Variants in ENDOG observed in about 807,000 individuals in gnomAD.
The protein encoded by ENDOG is endonuclease G, mitochondrial.
In ENDOG, 22 loss-of-function variants were observed where a neutral mutation model predicts 22.6. The ratio of observed to expected loss-of-function variants is 0.97; its 90% CI spans 0.70 to 1.39. The LOEUF is 1.39. ENDOG is among the 40% of genes most tolerant of loss of function. The pLI, the probability that ENDOG is intolerant of heterozygous loss-of-function variation, is 0.00. For synonymous variants in ENDOG, 173 were observed against 200.2 expected (o/e 0.86, Z 1.15); for missense variants, 403 against 431.3 (o/e 0.93, Z 0.58).
rs747427679 is a variant in ENDOG, at chr9:128,822,630, T to C, written c.*20T>C. 1 of 1,562,366 alleles carries C rather than the reference T, an allele frequency of 6.4e-7. No homozygotes were observed. The highest frequency in any genetic ancestry group is 8.7e-7 in the Non-Finnish European group (1 of 1,152,808). ...AAGTGAGGGTGGAGCCCAGTGAGAC[T>C]GTGGGTGTGTGCAGGCCGGGGAGTA... On this transcript the variant is annotated 3_prime_UTR_variant, in exon 3 of 3. Coordinates refer to ENST00000372642, the MANE Select transcript of ENDOG (RefSeq NM_004435.2).
chr9:128,822,361 C>T lies in ENDOG; in HGVS notation c.645C>T (p.Tyr215=). 1.9e-6 allele frequency: 3 copies of T among 1,613,984 alleles called. No homozygotes were observed. The highest frequency in any genetic ancestry group is 1.1e-5 in the South Asian group (1 of 91,054). The change falls in exon 3 of 3, where the codon TAC becomes TAT. Residue 215 remains tyrosine, a synonymous_variant. Coordinates refer to ENST00000372642, the MANE Select transcript of ENDOG (RefSeq NM_004435.2). ...TEADGKSYVK[Y]QVIGKNHVAV... ...CTGATGGGAAATCCTACGTAAAGTA[C>T]CAGGTCATCGGCAAGAACCACGTGG...
chr9:128,818,849 CG>C lies in ENDOG; in HGVS notation c.170del (p.Gly57AspfsTer105). 4 of 1,392,984 alleles carry C rather than the reference CG, an allele frequency of 2.9e-6. No individual in the cohort carries two copies. Among genetic ancestry groups the C allele is most frequent in the Non-Finnish European group, 2.8e-6 (3 of 1,079,834 alleles). The allele number at this position is 1,392,984 out of a possible 1,614,324, so 86.3% of individuals were successfully genotyped here. On this transcript the variant is annotated frameshift_variant, in exon 1 of 3. Transcript: ENST00000372642. LOFTEE classifies it high-confidence loss of function. ...AAAAELPPVP[G>X]GPRGPGELAK... Reference sequence around the variant, plus strand: ...CGGCAGCCGAGTTGCCCCCTGTGCCCGGGGGACCCCGCGGCCCGGGCGAGCT... The same window carrying C: ...CGGCAGCCGAGTTGCCCCCTGTGCCCGGGGACCCCGCGGCCCGGGCGAGCT...
chr9:128,821,727 G>A (rs1420697604), intron 2 of ENDOG: 1 of 160,854 alleles, frequency 6.2e-6, no homozygotes, highest in South Asian at 1.7e-4. Context: ...TAGTTCCTTG[G>A]TGCTGTGGGC....
chr9:128,822,588 C>G lies in ENDOG; in HGVS notation c.872C>G (p.Ala291Gly), dbSNP rs1187005365. The part of the protein sequence containing the change: ...NILARAGSLK[A>G]ITAGSK ...CTGGCGCGGGCAGGCAGCCTCAAGG[C>G]CATCACGGCGGGCAGTAAGTGAGGG... The change falls in exon 3 of 3, where the codon GCC (alanine) becomes GGC (glycine). Residue 291 changes from alanine to glycine, a missense_variant. By Grantham distance (60) the Ala-to-Gly change is moderately conservative (BLOSUM62 0). Transcript: ENST00000372642. The G allele has an allele frequency of 7.6e-6, 12 of 1,569,712 alleles. No individual in the cohort carries two copies. The highest frequency in any genetic ancestry group is 1.0e-5 in the Non-Finnish European group (12 of 1,157,340).
Position 128,822,558 on chromosome 9 carries a change from A to G in ENDOG, c.842A>G (p.Asn281Ser). 6.4e-7 allele frequency: 1 copy of G among 1,563,886 alleles called. No homozygotes were observed. Among genetic ancestry groups the G allele is most frequent in the South Asian group, 1.2e-5 (1 of 84,976 alleles). Residue 281 changes from asparagine to serine, a missense_variant, in exon 3 of 3, where the codon AAC (asparagine) becomes AGC (serine). Asn to Ser is a conservative substitution (Grantham distance 46). Coordinates refer to ENST00000372642, the MANE Select transcript of ENDOG (RefSeq NM_004435.2). ...GCTTCGGGGCTGCTCTTTGTGCCAA[A>G]CATCCTGGCGCGGGCAGGCAGCCTC... ...ERASGLLFVP[N>S]ILARAGSLKA...
At chr9:128,821,076 C>G in intron 2 of ENDOG, 18 of 555,656 alleles carry the variant, frequency 3.2e-5, no homozygotes, top group South Asian at 1.6e-4. Flanking sequence ...TGGGCAGCAG[C>G]AGGCCCTGAA....
Position 128,818,876 on chromosome 9 carries a change from G to A in ENDOG, c.192G>A (p.Leu64=). The A allele has an allele frequency of 6.9e-7, 1 of 1,453,484 alleles. No homozygotes were observed. 90.0% of individuals were successfully genotyped at this position (1,453,484 alleles called of 1,614,324 possible). ...GGGGACCCCGCGGCCCGGGCGAGCT[G>A]GCCAAGTACGGGCTGCCGGGGCTGG... The part of the protein sequence containing the change: ...VPGGPRGPGE[L]AKYGLPGLAQ... The change falls in exon 1 of 3, where the codon CTG becomes CTA. Residue 64 remains leucine, a synonymous_variant. Coordinates refer to ENST00000372642, the MANE Select transcript of ENDOG (RefSeq NM_004435.2).
intron 2 of ENDOG, 152 bp downstream of exon 2, chr9:128,821,000 G>A: frequency 1.5e-6 from 1 of 676,774 alleles, no homozygotes; most frequent in Non-Finnish European, 2.5e-6. Context: ...CCTGCCTCGA[G>A]TCCCCTCATT....
In ENDOG at chr9:128,818,839, C is replaced by G. The variant is rs540866293; in HGVS notation, c.155C>G (p.Pro52Arg). 2 of 1,349,478 alleles carry G rather than the reference C, an allele frequency of 1.5e-6. No individual in the cohort carries two copies. The highest frequency in any genetic ancestry group is 7.8e-5 in the Admixed American group (2 of 25,724). The allele number at this position is 1,349,478 out of a possible 1,614,324, so 83.6% of individuals were successfully genotyped here. ...VLPVAAAAEL[P>R]PVPGGPRGPG... ...CCCGTGGCGGCGGCAGCCGAGTTGC[C>G]CCCTGTGCCCGGGGGACCCCGCGGC... The change falls in exon 1 of 3, where the codon CCC (proline) becomes CGC (arginine). Residue 52 changes from proline (P) to arginine (R), a missense_variant. Coordinates refer to ENST00000372642, the MANE Select transcript of ENDOG (RefSeq NM_004435.2).
At chr9:128,820,615 T>C in intron 1 of ENDOG, 124 bp from the exon 2 acceptor site, 1 of 768,792 alleles carries the variant, frequency 1.3e-6, no homozygotes, top group Non-Finnish European at 2.2e-6. Flanking sequence ...GAGCCTCAGT[T>C]TCCCCCCGCT....
In ENDOG at chr9:128,818,701, C is replaced by T; in HGVS notation, c.17C>T (p.Ala6Val). 1.6e-5 allele frequency: 19 copies of T among 1,167,642 alleles called. No homozygotes were observed. Among genetic ancestry groups the T allele is most frequent in the Non-Finnish European group, 2.0e-5 (19 of 946,950 alleles). 72.3% of individuals were successfully genotyped at this position (1,167,642 alleles called of 1,614,324 possible). MRALR[A>V]GLTLASGAGL... ...TCCCCGGCCATGCGGGCGCTGCGGG[C>T]CGGCCTGACCCTGGCGTCGGGCGCG... Residue 6 changes from alanine (A) to valine (V), a missense_variant, in exon 1 of 3, where the codon GCC (alanine) becomes GTC (valine). Coordinates refer to ENST00000372642, the MANE Select transcript of ENDOG (RefSeq NM_004435.2).
At position 128,822,298 on chromosome 9, in the gene ENDOG, C is replaced by T. The variant is rs993517125; in HGVS notation, c.612-30C>T. 3.1e-6 allele frequency: 5 copies of T among 1,603,112 alleles called. No individual in the cohort carries two copies. The African/African-American group carries it at 5.4e-5, about 17-fold the overall frequency. ...GTGGCTTTGGGTTCATCCAGGCCCCCTGCCCACGTGTGCCTGGGTCTGCCC... is the reference window on the plus strand; with the variant it reads ...GTGGCTTTGGGTTCATCCAGGCCCCTTGCCCACGTGTGCCTGGGTCTGCCC... On this transcript the variant is annotated intron_variant, in intron 2 of 2. Coordinates refer to ENST00000372642, the MANE Select transcript of ENDOG (RefSeq NM_004435.2).
chr9:128,819,132 T>G lies in ENDOG; in HGVS notation c.448T>G (p.Trp150Gly), dbSNP rs1728631063. 2 of 1,520,578 alleles carry G rather than the reference T, an allele frequency of 1.3e-6. No homozygotes were observed. Among genetic ancestry groups the G allele is most frequent in the Non-Finnish European group, 1.8e-6 (2 of 1,137,108 alleles). The allele number at this position is 1,520,578 out of a possible 1,614,324, so 94.2% of individuals were successfully genotyped here. Residue 150 changes from tryptophan to glycine, a missense_variant, in exon 1 of 3, where the codon TGG becomes GGG. Physicochemically the swap from Trp to Gly is radical, Grantham distance 184 (BLOSUM62 -2). Coordinates refer to ENST00000372642, the MANE Select transcript of ENDOG (RefSeq NM_004435.2). Reference sequence around the variant, plus strand: ...CCTGGCCGCCGCCGCCAACCACCGCTGGAGCCAGAAGGCCATGGACGACAC... The same window carrying G: ...CCTGGCCGCCGCCGCCAACCACCGCGGGAGCCAGAAGGCCATGGACGACAC... ...GHLAAAANHR[W>G]SQKAMDDTFY...
intron 1 of ENDOG, 41 bp downstream of exon 1, chr9:128,819,226 G>T (rs1232693699): frequency 2.1e-6 from 3 of 1,422,192 alleles, no homozygotes; most frequent in Non-Finnish European, 2.7e-6. Flanking sequence ...ATGCGGGGCC[G>T]GCGCCTGGCC....
chr9:128,819,038 C>T lies in ENDOG; in HGVS notation c.354C>T (p.Asp118=). ...GGCGCGAGTGCGACTTCCGCGAGGACGACTCGGTGCACGCGTACCACCGTG... is the reference window on the plus strand; with the variant it reads ...GGCGCGAGTGCGACTTCCGCGAGGATGACTCGGTGCACGCGTACCACCGTG... ...GDRRECDFRE[D]DSVHAYHRAT... Residue 118 remains aspartate (D), a synonymous_variant, in exon 1 of 3, where the codon GAC becomes GAT. Coordinates refer to ENST00000372642, the MANE Select transcript of ENDOG (RefSeq NM_004435.2). The T allele has an allele frequency of 6.7e-7, 1 of 1,497,826 alleles. No individual in the cohort carries two copies. The allele number at this position is 1,497,826 out of a possible 1,614,324, so 92.8% of individuals were successfully genotyped here.
In ENDOG at chr9:128,821,237, C is replaced by T. The variant is rs2132580906; in HGVS notation, c.611+389C>T. On this transcript the variant is annotated intron_variant, in intron 2 of 2. Coordinates refer to ENST00000372642, the MANE Select transcript of ENDOG (RefSeq NM_004435.2). ...TGCACCAAGCTCTCCCGCCTTCCCC[C>T]TGCAGGTCTGCGGTGCACCAAGCTC... 4 of 251,076 alleles carry T rather than the reference C, an allele frequency of 1.6e-5. No individual in the cohort carries two copies. In the South Asian group the frequency reaches 1.9e-4, roughly 12 times the overall value. 15.6% of individuals were successfully genotyped at this position (251,076 alleles called of 1,614,324 possible).
Position 128,818,929 on chromosome 9 carries a change from T to A in ENDOG, c.245T>A (p.Val82Glu). 1 of 1,488,642 alleles carries A rather than the reference T, an allele frequency of 6.7e-7. No homozygotes were observed. The highest frequency in any genetic ancestry group is 8.9e-7 in the Non-Finnish European group (1 of 1,127,928). The allele number at this position is 1,488,642 out of a possible 1,614,324, so 92.2% of individuals were successfully genotyped here. A position where few individuals can be genotyped will look rare whatever the true frequency, so the allele number is the denominator to read the frequency against. Residue 82 changes from valine to glutamate, a missense_variant, in exon 1 of 3, where the codon GTG (valine) becomes GAG (glutamate). Coordinates refer to ENST00000372642, the MANE Select transcript of ENDOG (RefSeq NM_004435.2). The stretch of plus-strand genomic sequence containing the variant: ...CAGCTCAAGAGCCGCGAGTCGTACG[T>A]GCTGTGCTACGACCCGCGCACCCGC... ...LAQLKSRESY[V>E]LCYDPRTRGA...
At position 128,822,513 on chromosome 9, in the gene ENDOG, C is replaced by A. The variant is rs2132585399; in HGVS notation, c.797C>A (p.Pro266His). Reference sequence around the variant, plus strand: ...ATCCCACTGGAGCGCTTCCTGGTGCCCATCGAGAGCATTGAGCGGGCTTCG... The same window carrying A: ...ATCCCACTGGAGCGCTTCCTGGTGCACATCGAGAGCATTGAGCGGGCTTCG... ...EAIPLERFLVPIESIERASGL... is the reference protein window; with the variant it reads ...EAIPLERFLVHIESIERASGL... Residue 266 changes from proline to histidine, a missense_variant, in exon 3 of 3, where the codon CCC (proline) becomes CAC (histidine). Physicochemically the swap from Pro to His is moderately conservative, Grantham distance 77 (BLOSUM62 -2). Coordinates refer to ENST00000372642, the MANE Select transcript of ENDOG (RefSeq NM_004435.2). 1 of 1,560,636 alleles carries A rather than the reference C, an allele frequency of 6.4e-7. No individual in the cohort carries two copies. The highest frequency in any genetic ancestry group is 2.4e-5 in the East Asian group (1 of 41,874).
rs1472137909 is a variant in ENDOG at position 128,822,386 on chromosome 9, G to A, written c.670G>A (p.Ala224Thr). Residue 224 changes from alanine (A) to threonine (T), a missense_variant, in exon 3 of 3, where the codon GCA becomes ACA. Physicochemically the swap from Ala to Thr is moderately conservative, Grantham distance 58. Coordinates refer to ENST00000372642, the MANE Select transcript of ENDOG (RefSeq NM_004435.2). ...CCAGGTCATCGGCAAGAACCACGTGGCAGTGCCCACACACTTCTTCAAGGT... is the reference window on the plus strand; with the variant it reads ...CCAGGTCATCGGCAAGAACCACGTGACAGTGCCCACACACTTCTTCAAGGT... ...KYQVIGKNHV[A>T]VPTHFFKVLI... 2 of 1,613,436 alleles carry A rather than the reference G, an allele frequency of 1.2e-6. No homozygotes were observed. The highest frequency in any genetic ancestry group is 2.7e-5 in the African/African-American group (2 of 74,924).
Sources: allele counts gnomAD v4.1 joint callset, GRCh38; gene constraint gnomAD v4.1.1; transcripts MANE v1.5; gene names NCBI Gene and HGNC (gene_info 2026-07-23, HGNC 2026-07-21).